ABHD2: variants seen among roughly 807,000 people sequenced by gnomAD.
The protein encoded by ABHD2 is monoacylglycerol lipase ABHD2.
Under a neutral mutation model 48.1 loss-of-function variants are expected in ABHD2, and 20 were observed. That is an observed-to-expected ratio of 0.42 (90% CI 0.29 to 0.60). The LOEUF is 0.60. Among genes scored for constraint, ABHD2 ranks in the 20% least tolerant of loss-of-function variants. ABHD2 has a pLI of 0.24. For synonymous variants in ABHD2, 209 were observed against 214.2 expected (o/e 0.98, Z 0.21); for missense variants, 405 against 550.9 (o/e 0.74, Z 2.65).
chr15:89,149,428 T>C (rs2050554854), intron 3 of ABHD2, among the ~76,000 whole-genome samples: 1 of 152,252 alleles, frequency 6.6e-6, no homozygotes, highest in African/African-American at 2.4e-5. Context: ...TAAGTGTCTC[T>C]ATATTCTGTT....
chr15:89,196,931 A>G lies in ABHD2; in HGVS notation c.*1508A>G, dbSNP rs572571049. 2.6e-5 allele frequency: 4 copies of G among 152,792 alleles called. No individual in the cohort carries two copies. The East Asian group carries it at 7.7e-4, about 29-fold the overall frequency. The allele number at this position is 152,792 out of a possible 1,614,324, so 9.5% of individuals were successfully genotyped here. ...AATCAGCTGTTGCTATCTGGAACTA[A>G]ACAGAACTATGAGTAAAATTGCCTG... On this transcript the variant is annotated 3_prime_UTR_variant, in exon 11 of 11. Transcript: ENST00000352732.
chr15:89,042,117 T>C, the ABHD2 span, among the ~76,000 whole-genome samples: 2 of 152,200 alleles, frequency 1.3e-5, no homozygotes, highest in African/African-American at 4.8e-5. Context: ...ATAGCCACTT[T>C]TGGACACCAG....
At position 89,088,490 on chromosome 15, in the gene ABHD2, G is replaced by A. The variant is rs1281777031; in HGVS notation, c.-180G>A. ...AGGGGTTCCGGCTGTATATCCATGAGCGCCGCTGGCAGCCGGGGAGCTGCA... is the reference window on the plus strand; with the variant it reads ...AGGGGTTCCGGCTGTATATCCATGAACGCCGCTGGCAGCCGGGGAGCTGCA... On this transcript the variant is annotated 5_prime_UTR_variant, in exon 1 of 11. Transcript: ENST00000352732. The surrounding 1 kb of genome is among the most constrained non-coding windows in gnomAD (Gnocchi z 6.8). 2 of 152,710 alleles carry A rather than the reference G, an allele frequency of 1.3e-5. No individual in the cohort carries two copies. Among genetic ancestry groups the A allele is most frequent in the Non-Finnish European group, 2.9e-5 (2 of 68,462 alleles). The allele number at this position is 152,710 out of a possible 1,614,324, so 9.5% of individuals were successfully genotyped here. A position where few individuals can be genotyped will look rare whatever the true frequency, so the allele number is the denominator to read the frequency against.
the ABHD2 span, among the ~76,000 whole-genome samples, chr15:89,057,717 A>C: frequency 3.9e-5 from 6 of 152,060 alleles, no homozygotes; most frequent in Non-Finnish European, 8.8e-5. Context: ...AACTGGGGCC[A>C]TCTATTGCCA....
At chr15:89,119,048 C>G (rs577616615) in intron 3 of ABHD2, among the ~76,000 whole-genome samples, 16 of 152,282 alleles carry the variant, frequency 1.1e-4, no homozygotes, top group Middle Eastern at 3.4e-3. Context: ...GCCCCCTGGT[C>G]ATTGGCTGAT....
intron 3 of ABHD2, among the ~76,000 whole-genome samples, chr15:89,140,010 T>C (rs1372176497): frequency 6.6e-6 from 1 of 152,188 alleles, no homozygotes; most frequent in Non-Finnish European, 1.5e-5. Context: ...TTGGGAGGGC[T>C]TCCCAGGATG....
the ABHD2 span, among the ~76,000 whole-genome samples, chr15:89,060,182 C>G: frequency 6.8e-6 from 1 of 147,894 alleles, no homozygotes; most frequent in African/African-American, 2.5e-5. Flanking sequence ...CGTCCATCTC[C>G]TAGGTACAAG....
chr15:89,067,194 CG>C, the ABHD2 span, among the ~76,000 whole-genome samples: 1 of 152,112 alleles, frequency 6.6e-6, no homozygotes, highest in African/African-American at 2.4e-5. Context: ...TGCTAAGGCC[CG>C]GAGCTCTGGA....
At chr15:89,052,424 T>C in the ABHD2 span, among the ~76,000 whole-genome samples, 1 of 152,102 alleles carries the variant, frequency 6.6e-6, no homozygotes, top group African/African-American at 2.4e-5. Flanking sequence ...TCTTAGAATT[T>C]CATGGTGGCC....
intron 3 of ABHD2, among the ~76,000 whole-genome samples, chr15:89,147,589 G>A (rs1459562295): frequency 6.6e-6 from 1 of 151,020 alleles, no homozygotes; most frequent in Non-Finnish European, 1.5e-5. Context: ...TCCTGACCTC[G>A]TGATCCGCCT....
chr15:89,072,660 G>T, the ABHD2 span, among the ~76,000 whole-genome samples: 9 of 152,128 alleles, frequency 5.9e-5, no homozygotes, highest in Admixed American at 5.2e-4. Flanking sequence ...AAGGTCATTT[G>T]TTACTGCAGG....
At chr15:89,111,764 C>G (rs556472225) in intron 1 of ABHD2, among the ~76,000 whole-genome samples, 7 of 152,284 alleles carry the variant, frequency 4.6e-5, no homozygotes, top group Non-Finnish European at 1.0e-4. Flanking sequence ...ATATCTTTCC[C>G]TATGCATATA....
Position 89,167,247 on chromosome 15 carries a change from G to T in ABHD2, c.539-8565G>T, listed in dbSNP as rs1327248131. ...CTTCTCATATCTACCATTTTCATTG[G>T]TGTAGACTCAATTTTGAATTGTATT... On this transcript the variant is annotated intron_variant, in intron 5 of 10. Coordinates refer to ENST00000352732, the MANE Select transcript of ABHD2 (RefSeq NM_152924.5). The surrounding 1 kb of genome is among the most constrained non-coding windows in gnomAD (Gnocchi z 5.5). 6.6e-6 allele frequency among the ~76,000 whole-genome samples: 1 copy of T among 152,148 alleles called. No individual in the cohort carries two copies. Among genetic ancestry groups the T allele is most frequent in the Non-Finnish European group, 1.5e-5 (1 of 68,026 alleles).
rs763427038 is a variant in ABHD2, at chr15:89,188,334, C to T, written c.926+31C>T. On this transcript the variant is annotated intron_variant, in intron 8 of 10. Transcript: ENST00000352732. This position sits in a 1 kb window ranked among gnomAD's most constrained non-coding sequence, Gnocchi z 4.1. ...TCCGCGCAGGCGGGAGAGGGACGCT[C>T]TGGGGCAGGGTGCCAGGCAGGAGGC... 9 of 1,601,624 alleles carry T rather than the reference C, an allele frequency of 5.6e-6. No individual in the cohort carries two copies. The East Asian group carries it at 2.0e-4, about 36-fold the overall frequency.
intron 1 of ABHD2, among the ~76,000 whole-genome samples, chr15:89,089,717 A>G (rs534082006): frequency 7.5e-4 from 114 of 152,264 alleles, no homozygotes; most frequent in African/African-American, 2.6e-3. Flanking sequence ...AGCAGAGTCC[A>G]AAAGAGAAAT....
chr15:89,168,494 G>A lies in ABHD2; in HGVS notation c.539-7318G>A, dbSNP rs1191114467. 2.6e-5 allele frequency among the ~76,000 whole-genome samples: 4 copies of A among 152,218 alleles called. No homozygotes were observed. The highest frequency in any genetic ancestry group is 9.6e-5 in the African/African-American group (4 of 41,452). ...AGGACCTTCCAGAAGGCTGATCCTG[G>A]AGCTGGGCACCATGTCTTTGCCCTT... is the stretch of plus-strand genomic sequence containing the variant. On this transcript the variant is annotated intron_variant, in intron 5 of 10. Coordinates refer to ENST00000352732, the MANE Select transcript of ABHD2 (RefSeq NM_152924.5). This position sits in a 1 kb window ranked among gnomAD's most constrained non-coding sequence, Gnocchi z 4.8.
chr15:89,156,115 C>CTTTTT (rs1185978751), intron 5 of ABHD2, among the ~76,000 whole-genome samples: 14 of 85,650 alleles, frequency 1.6e-4, no homozygotes, highest in Non-Finnish European at 1.7e-4. Flanking sequence ...TTTTTATTGT[C>CTTTTT]TTTTTTTTTT....
In ABHD2 at chr15:89,161,943, C is replaced by T. The variant is rs77189277; in HGVS notation, c.538+6409C>T. ...TTGGTTTCTTCTGAGACCTCTCTTC[C>T]TGGCTTGTAAATGACTGTTTTCTTG... On this transcript the variant is annotated intron_variant, in intron 5 of 10. Transcript: ENST00000352732. Among the ~76,000 whole-genome samples the T allele has an allele frequency of 3.1e-3, 471 of 152,282 alleles. 2 individuals are homozygous for T. The highest frequency in any genetic ancestry group is 0.011 in the African/African-American group (446 of 41,548).
chr15:89,051,242 T>G, the ABHD2 span, among the ~76,000 whole-genome samples: 1 of 152,084 alleles, frequency 6.6e-6, no homozygotes, highest in African/African-American at 2.4e-5. Context: ...TCAATAATAA[T>G]AATAAGTATG....
Sources: gnomAD v4.1 joint callset for allele counts (sites outside exome capture counted in the v4.1 genomes callset) on GRCh38, gnomAD v4.1.1 for gene constraint, Gnocchi (gnomAD v3.1) non-coding constraint, MANE v1.5 for transcripts, NCBI Gene and HGNC (gene_info 2026-07-23, HGNC 2026-07-21) for gene names.